Variants in GPC3 observed in about 807,000 individuals in gnomAD.
The protein encoded by GPC3 is glypican-3.
A neutral mutation model predicts 34.4 loss-of-function variants in GPC3; 3 were observed. That is an observed-to-expected ratio of 0.09 (90% CI 0.04 to 0.23). The LOEUF is 0.23. GPC3 is among the 10% of genes least tolerant of loss of function. GPC3 has a pLI of 1.00. For missense variants in GPC3, 351 were observed against 445.6 expected (o/e 0.79, Z 1.91); for synonymous variants, 177 against 174.0 (o/e 1.02, Z -0.13).
chrX:133,750,297 G>A (rs937552313), intron 3 of GPC3, among the ~76,000 whole-genome samples: 1 of 111,799 alleles, frequency 8.9e-6, no homozygotes, highest in African/African-American at 3.3e-5. Flanking sequence ...GGTTCACTAC[G>A]TGTTTGCAAA....
chrX:133,741,335 T>C (rs1164029314), intron 3 of GPC3, among the ~76,000 whole-genome samples: 1 of 105,505 alleles, frequency 9.5e-6, no homozygotes. Flanking sequence ...AATACAAATA[T>C]GAAGAAAAGC....
intron 7 of GPC3, among the ~76,000 whole-genome samples, chrX:133,564,190 T>C (rs764975481): frequency 1.8e-5 from 2 of 111,874 alleles, no homozygotes; most frequent in South Asian, 7.6e-4. Context: ...GTTATGCTTC[T>C]ATCTGGGACA....
At chrX:133,589,426 G>A (rs947813295) in intron 7 of GPC3, among the ~76,000 whole-genome samples, 5 of 111,075 alleles carry the variant, frequency 4.5e-5, no homozygotes, top group African/African-American at 1.6e-4. Flanking sequence ...GTCCAGGCTG[G>A]AGTGCAATGG....
At chrX:133,568,886 G>T (rs984160026) in intron 7 of GPC3, among the ~76,000 whole-genome samples, 1 of 111,977 alleles carries the variant, frequency 8.9e-6, no homozygotes, top group Non-Finnish European at 1.9e-5. Context: ...TAGACTAAAG[G>T]CCGGGCAAGG....
intron 6 of GPC3, among the ~76,000 whole-genome samples, chrX:133,604,648 C>T (rs981236613): frequency 3.6e-5 from 4 of 111,694 alleles, no homozygotes; most frequent in African/African-American, 1.3e-4. Flanking sequence ...GGATAAGTAA[C>T]AAAATAGATA....
At chrX:133,826,881 G>T (rs747093229) in intron 2 of GPC3, among the ~76,000 whole-genome samples, 33 of 111,986 alleles carry the variant, frequency 2.9e-4, no homozygotes, top group Middle Eastern at 4.6e-3. Context: ...GAAGATGGTG[G>T]ATTAATATGT....
chrX:133,536,253 G>A lies in GPC3; in HGVS notation c.1614C>T (p.Asn538=). Residue 538 remains asparagine, a synonymous_variant, in exon 8 of 8, where the codon AAC becomes AAT. Transcript: ENST00000370818. The part of the protein sequence containing the change: ...YDLDVDDAPG[N]SQQATPKDNE... The stretch of plus-strand genomic sequence containing the variant: ...TGTCCTTCGGAGTTGCCTGCTGACT[G>A]TTTCCAGGCGCATCATCCACATCCA... 6 of 1,206,156 alleles carry A rather than the reference G, an allele frequency of 5.0e-6. No homozygotes were observed. The highest frequency in any genetic ancestry group is 6.7e-6 in the Non-Finnish European group (6 of 890,885).
At chrX:133,720,382 T>G (rs930331906) in intron 3 of GPC3, among the ~76,000 whole-genome samples, 4 of 111,689 alleles carry the variant, frequency 3.6e-5, no homozygotes, top group African/African-American at 1.3e-4. Flanking sequence ...TGGGGGCAAG[T>G]CTTTCCCATG....
chrX:133,796,113 T>C (rs1421066407), intron 2 of GPC3, among the ~76,000 whole-genome samples: 1 of 108,926 alleles, frequency 9.2e-6, no homozygotes. Flanking sequence ...CCCGGCTAAT[T>C]TTTTTGTATT....
chrX:133,686,768 A>AAC (rs762283767), intron 5 of GPC3, among the ~76,000 whole-genome samples: 11,602 of 97,862 alleles, frequency 0.12, 645 homozygotes, highest in Admixed American at 0.25. Context: ...ATTTTACCTC[A>AAC]ACACACACAC....
At chrX:133,692,548 A>G (rs955048409) in intron 4 of GPC3, 54 bp from the exon 5 acceptor site, 83 of 1,096,187 alleles carry the variant, frequency 7.6e-5, no homozygotes, top group Non-Finnish European at 9.2e-5. Flanking sequence ...TCAGTATGAG[A>G]AAAGTTTAAT....
intron 2 of GPC3, among the ~76,000 whole-genome samples, chrX:133,867,880 C>T (rs754686071): frequency 2.8e-5 from 3 of 108,000 alleles, no homozygotes; most frequent in African/African-American, 1.0e-4. Flanking sequence ...AAGAGGAGTT[C>T]AGCTAGGGGC....
chrX:133,934,495 A>G (rs2076314367), intron 2 of GPC3, among the ~76,000 whole-genome samples: 1 of 105,396 alleles, frequency 9.5e-6, no homozygotes, highest in South Asian at 4.4e-4. Flanking sequence ...AAGACCAGCC[A>G]AACTTTATTT....
At chrX:133,757,677 A>AT (rs1005558576) in intron 2 of GPC3, among the ~76,000 whole-genome samples, 10 of 111,040 alleles carry the variant, frequency 9.0e-5, no homozygotes, top group African/African-American at 3.3e-4. Flanking sequence ...GAAGCAGGTT[A>AT]TTTTTTTTCA....
intron 3 of GPC3, among the ~76,000 whole-genome samples, chrX:133,721,526 A>T (rs2071367333): frequency 9.0e-6 from 1 of 111,644 alleles, no homozygotes; most frequent in Non-Finnish European, 1.9e-5. Flanking sequence ...CAGAGGCTTC[A>T]CTGGTGAGTT....
intron 5 of GPC3, among the ~76,000 whole-genome samples, chrX:133,688,619 A>G: frequency 8.9e-6 from 1 of 111,747 alleles, no homozygotes; most frequent in Admixed American, 9.5e-5. Context: ...CTTTTGATCA[A>G]GTGTCTCCAC....
Position 133,889,971 on chromosome X carries a change from G to A in GPC3, c.337+63079C>T, listed in dbSNP as rs768535554. On this transcript the variant is annotated intron_variant, in intron 2 of 7. Coordinates refer to ENST00000370818, the MANE Select transcript of GPC3 (RefSeq NM_004484.4). ...TTTTTAGTAGAGACGGGGTTTCACC[G>A]TGTTAGCCAGGATGGTCTCGATCTC... 1.8e-4 allele frequency among the ~76,000 whole-genome samples: 20 copies of A among 108,537 alleles called. No homozygotes were observed. In the East Asian group the frequency reaches 4.7e-3, roughly 25 times the overall value. 94.3% of individuals were successfully genotyped at this position (108,537 alleles called of 115,157 possible). A position where few individuals can be genotyped will look rare whatever the true frequency, so the allele number is the denominator to read the frequency against.
intron 3 of GPC3, among the ~76,000 whole-genome samples, chrX:133,752,059 G>T (rs2124478752): frequency 9.1e-6 from 1 of 109,975 alleles, no homozygotes; most frequent in African/African-American, 3.3e-5. Flanking sequence ...TGGTAGAGAT[G>T]GGGTCTGTAC....
rs189252117 is a variant in GPC3, at chrX:133,791,643, C to T, written c.338-37467G>A. On this transcript the variant is annotated intron_variant, in intron 2 of 7. Transcript: ENST00000370818. ...GCTATGAGACTTGAGGTATGTCTCT[C>T]CCCTTTTCCTGACCTCAGTTTTCCT... is the stretch of plus-strand genomic sequence containing the variant. Among the ~76,000 whole-genome samples, 6 of 110,631 alleles carry T rather than the reference C, an allele frequency of 5.4e-5. No individual in the cohort carries two copies. In the East Asian group the frequency reaches 1.7e-3, roughly 32 times the overall value.
Sources: allele counts gnomAD v4.1 joint callset (sites outside exome capture counted in the v4.1 genomes callset), GRCh38; gene constraint gnomAD v4.1.1; transcripts MANE v1.5; gene names NCBI Gene and HGNC (gene_info 2026-07-23, HGNC 2026-07-21).